Variants in RREB1 observed in about 807,000 individuals in gnomAD.
RREB1 encodes ras responsive element binding protein 1.
RREB1 carries 27 observed loss-of-function variants against 117.8 expected under a neutral mutation model. The observed-to-expected ratio is 0.23, with a 90% CI of 0.17 to 0.32. The LOEUF (loss-of-function observed/expected upper bound fraction) is 0.32. RREB1 is among the 10% of genes least tolerant of loss of function. The pLI, the probability that RREB1 is intolerant of heterozygous loss-of-function variation, is 1.00. For synonymous variants in RREB1, 1,298 were observed against 1,026.7 expected, an observed-to-expected ratio of 1.26 and a Z score of -5.05; for missense variants, 2,577 against 2,378.2, an observed-to-expected ratio of 1.08 and a Z score of -1.74.
At chr6:7,200,512 G>C (rs779719670) in intron 6 of RREB1, among the ~76,000 whole-genome samples, 21 of 151,874 alleles carry the variant, frequency 1.4e-4, no homozygotes, top group African/African-American at 4.6e-4. Context: ...CAGGTGATCC[G>C]ACCACCTCAG....
intron 1 of RREB1, among the ~76,000 whole-genome samples, chr6:7,173,301 T>C (rs1764317889): frequency 6.6e-6 from 1 of 151,822 alleles, no homozygotes; most frequent in African/African-American, 2.4e-5. Flanking sequence ...TGGATCACCT[T>C]AGGTCAGGAG....
intron 8 of RREB1, among the ~76,000 whole-genome samples, chr6:7,226,056 G>A (rs1767567198): frequency 6.6e-6 from 1 of 152,154 alleles, no homozygotes; most frequent in Non-Finnish European, 1.5e-5. Flanking sequence ...ATGCTCTTCT[G>A]ACTTTTAAAC....
intron 6 of RREB1, among the ~76,000 whole-genome samples, chr6:7,204,363 A>G (rs1766155532): frequency 7.4e-6 from 1 of 135,288 alleles, no homozygotes; most frequent in Non-Finnish European, 1.5e-5. Flanking sequence ...ATAGAACTTG[A>G]TTGGCATTAC....
At chr6:7,122,673 GGAA>G (rs1336628289) in intron 1 of RREB1, among the ~76,000 whole-genome samples, 2 of 152,162 alleles carry the variant, frequency 1.3e-5, no homozygotes, top group African/African-American at 4.8e-5. Flanking sequence ...GAGATGGCTG[GGAA>G]GAAATCTTTG....
intron 1 of RREB1, among the ~76,000 whole-genome samples, chr6:7,114,487 G>A (rs1044510140): frequency 6.6e-6 from 1 of 151,768 alleles, no homozygotes. Context: ...GGGCGGCAGC[G>A]GGGAGCTGCT....
At chr6:7,200,752 C>A (rs569727099) in intron 6 of RREB1, among the ~76,000 whole-genome samples, 2 of 152,172 alleles carry the variant, frequency 1.3e-5, no homozygotes, top group East Asian at 1.9e-4. Context: ...AACAATCAAG[C>A]CTTTTTCGTC....
chr6:7,235,850 C>A (rs1001250332), intron 10 of RREB1, among the ~76,000 whole-genome samples: 2 of 152,348 alleles, frequency 1.3e-5, no homozygotes, highest in South Asian at 4.1e-4. Flanking sequence ...GAGGGGTATA[C>A]CTGCTGGCTG....
chr6:7,242,707 G>GC (rs369036791), intron 11 of RREB1, among the ~76,000 whole-genome samples: 8 of 151,374 alleles, frequency 5.3e-5, no homozygotes, highest in African/African-American at 1.9e-4. Context: ...AAAAGGGGGG[G>GC]GGGGAAGGAA....
chr6:7,239,321 T>C (rs894783803), intron 10 of RREB1, among the ~76,000 whole-genome samples: 9 of 152,140 alleles, frequency 5.9e-5, no homozygotes, highest in Non-Finnish European at 1.2e-4. Flanking sequence ...CTCCAGCAAC[T>C]TGGGGGAAAG....
At chr6:7,189,023 T>C (rs963798868) in intron 5 of RREB1, 136 bp from the exon 6 acceptor site, 123 of 774,080 alleles carry the variant, frequency 1.6e-4, no homozygotes, top group Middle Eastern at 3.5e-4. Context: ...TTCAGAAAGA[T>C]ATTTAAAATG....
At chr6:7,140,463 A>C (rs914618056) in intron 1 of RREB1, among the ~76,000 whole-genome samples, 1 of 152,246 alleles carries the variant, frequency 6.6e-6, no homozygotes, top group African/African-American at 2.4e-5. Flanking sequence ...CAAGTGCTAA[A>C]AGATGAAATC....
chr6:7,243,573 T>C (rs775552613), intron 11 of RREB1, among the ~76,000 whole-genome samples: 17 of 152,044 alleles, frequency 1.1e-4, no homozygotes, highest in Non-Finnish European at 2.4e-4. Flanking sequence ...GGTGAAGAGG[T>C]GAAGTTTTTT....
upstream of RREB1, chr6:7,107,802 G>A (rs1184340834): frequency 2.0e-5 from 3 of 153,836 alleles, no homozygotes; most frequent in African/African-American, 7.2e-5. Context: ...CGAGCGTGCG[G>A]GCGAGGAAGC....
intron 4 of RREB1, chr6:7,183,199 TTCTC>T (rs1018517183): frequency 2.0e-4 from 30 of 152,320 alleles, no homozygotes; most frequent in African/African-American, 6.7e-4. Flanking sequence ...ATTGATTCCT[TTCTC>T]TCTCTCTTTT....
intron 2 of RREB1, among the ~76,000 whole-genome samples, chr6:7,177,564 T>C (rs369840291): frequency 1.3e-5 from 2 of 152,112 alleles, no homozygotes; most frequent in African/African-American, 4.8e-5. Context: ...AGACAGGGTC[T>C]CACTCTGTCG....
intron 10 of RREB1, 67 bp downstream of exon 10, chr6:7,231,974 G>C: frequency 6.8e-7 from 1 of 1,460,392 alleles, no homozygotes; most frequent in Non-Finnish European, 9.3e-7. Context: ...ACGAGTGGGG[G>C]TCAAAAGCGA....
chr6:7,215,650 T>C (rs1429293736), intron 8 of RREB1: 2 of 152,238 alleles, frequency 1.3e-5, no homozygotes, highest in Non-Finnish European at 2.9e-5. Flanking sequence ...CTAGTAGTCA[T>C]GTTTTAAAAA....
intron 6 of RREB1, among the ~76,000 whole-genome samples, chr6:7,202,826 G>T (rs1766059717): frequency 6.6e-6 from 1 of 152,184 alleles, no homozygotes; most frequent in Admixed American, 6.5e-5. Flanking sequence ...GAAGGTCCTA[G>T]CTGGCCGATT....
chr6:7,183,526 T>G (rs1764913793), intron 4 of RREB1: 1 of 152,196 alleles, frequency 6.6e-6, no homozygotes, highest in African/African-American at 2.4e-5. Flanking sequence ...TTTCCTCAAA[T>G]AGCTCTGAGT....
Sources: gnomAD v4.1 joint callset for allele counts (sites outside exome capture counted in the v4.1 genomes callset) on GRCh38, gnomAD v4.1.1 for gene constraint, MANE v1.5 for transcripts, NCBI Gene and HGNC (gene_info 2026-07-23, HGNC 2026-07-21) for gene names.